B3GNT4: variants seen among roughly 807,000 people sequenced by gnomAD.
B3GNT4 encodes the protein UDP-GlcNAc:betaGal beta-1,3-N-acetylglucosaminyltransferase 4.
B3GNT4 carries 2 observed loss-of-function variants against 2.7 expected under a neutral mutation model. The ratio of observed to expected loss-of-function variants is 0.73; its 90% CI spans 0.30 to 2.31. B3GNT4 has a LOEUF of 2.31. Ranked by LOEUF, B3GNT4 falls within the 30% of genes most tolerant of loss-of-function variation. B3GNT4 has a pLI of 0.12. For synonymous variants in B3GNT4, 280 were observed against 203.4 expected, an observed-to-expected ratio of 1.38 and a Z score of -3.20; for missense variants, 708 against 490.9, an observed-to-expected ratio of 1.44 and a Z score of -4.18.
chr12:122,206,746 TC>T lies in B3GNT4; in HGVS notation c.500del (p.Pro167GlnfsTer27). 2 of 1,605,958 alleles carry T rather than the reference TC, an allele frequency of 1.2e-6. No individual in the cohort carries two copies. The highest frequency in any genetic ancestry group is 1.3e-5 in the African/African-American group (1 of 74,852). On this transcript the variant is annotated frameshift_variant, in exon 3 of 3. Transcript: ENST00000324189. LOFTEE classifies it low-confidence loss of function (END_TRUNC). ...TCCTCCTAGGGGTGGCAGGATCCGC[TC>T]CCCCAGCCCAGCTGCTGGCCTATGA... ...VFLLGVAGSA[P>X]PAQLLAYESR...
chr12:122,206,655 C>CGGCTATCCGCAGCACGTGG lies in B3GNT4; in HGVS notation c.408_426dup (p.Arg143TyrfsTer13). The CGGCTATCCGCAGCACGTGG allele has an allele frequency of 6.2e-7, 1 of 1,613,636 alleles. No homozygotes were observed. Among genetic ancestry groups the CGGCTATCCGCAGCACGTGG allele is most frequent in the South Asian group, 1.1e-5 (1 of 91,084 alleles). On this transcript the variant is annotated frameshift_variant, in exon 3 of 3. Coordinates refer to ENST00000324189, the MANE Select transcript of B3GNT4 (RefSeq NM_030765.4). LOFTEE classifies it low-confidence loss of function (END_TRUNC). The stretch of plus-strand genomic sequence containing the variant: ...CAGCCTGGTCACGTGGAGCGACGTG[C>CGGCTATCCGCAGCACGTGG]GGCTATCCGCAGCACGTGGGGCAGG...
chr12:122,206,221 C>T (rs1953912439), intron 2 of B3GNT4, 97 bp from the exon 3 acceptor site: 2 of 981,588 alleles, frequency 2.0e-6, no homozygotes, highest in Non-Finnish European at 3.0e-6. Flanking sequence ...CAGAGGCCAG[C>T]AGGGACTTAG....
chr12:122,206,123 A>G, intron 2 of B3GNT4, 195 bp from the exon 3 acceptor site: 1 of 515,324 alleles, frequency 1.9e-6, no homozygotes, highest in Non-Finnish European at 3.4e-6. Flanking sequence ...GAGGAGGGCA[A>G]GGGCTGGCAA....
Position 122,204,581 on chromosome 12 carries a change from G to A in B3GNT4, c.-38G>A, listed in dbSNP as rs367733493. The A allele has an allele frequency of 2.0e-4, 310 of 1,534,462 alleles. No homozygotes were observed. The highest frequency in any genetic ancestry group is 2.6e-4 in the Non-Finnish European group (291 of 1,111,794). ...TTCGACCCCGCCGCCGCCGCCGCCCGGCATCCTGAGCACGGAGACAGTCTC... is the reference window on the plus strand; with the variant it reads ...TTCGACCCCGCCGCCGCCGCCGCCCAGCATCCTGAGCACGGAGACAGTCTC... On this transcript the variant is annotated 5_prime_UTR_variant, in exon 2 of 3. Transcript: ENST00000324189.
chr12:122,206,294 G>A (rs889800914), intron 2 of B3GNT4, 24 bp from the exon 3 acceptor site: 2 of 1,526,154 alleles, frequency 1.3e-6, no homozygotes, highest in African/African-American at 1.4e-5. Context: ...GCTGGGCCCT[G>A]CTCAGGTGGC....
Position 122,206,780 on chromosome 12 carries a change from G to C in B3GNT4, c.529G>C (p.Glu177Gln). 1.2e-6 allele frequency: 2 copies of C among 1,608,264 alleles called. No homozygotes were observed. Among genetic ancestry groups the C allele is most frequent in the East Asian group, 2.2e-5 (1 of 44,806 alleles). ...CCAGCTGCTGGCCTATGAGAGTAGGGAGTTTGATGACATCCTCCAGTGGGA... is the reference window on the plus strand; with the variant it reads ...CCAGCTGCTGGCCTATGAGAGTAGGCAGTTTGATGACATCCTCCAGTGGGA... ...PAQLLAYESR[E>Q]FDDILQWDFT... is the part of the protein sequence containing the mutation. The change falls in exon 3 of 3, where the codon GAG becomes CAG. Residue 177 changes from glutamate to glutamine, a missense_variant. Transcript: ENST00000324189.
rs1244584341 is a variant in B3GNT4 at position 122,208,620 on chromosome 12, C to T, written c.*1232C>T. ...AATCGGGTTGAGCAGCCGTGCAGGG[C>T]GCGGAAGGCTCATGTGGACGTTGGC... On this transcript the variant is annotated 3_prime_UTR_variant, in exon 3 of 3. Transcript: ENST00000324189. 18 of 1,594,798 alleles carry T rather than the reference C, an allele frequency of 1.1e-5. No individual in the cohort carries two copies. Among genetic ancestry groups the T allele is most frequent in the African/African-American group, 4.0e-5 (3 of 74,712 alleles).
In B3GNT4 at chr12:122,208,530, T is replaced by A. The variant is rs1465537999; in HGVS notation, c.*1142T>A. 6.2e-7 allele frequency: 1 copy of A among 1,614,016 alleles called. No individual in the cohort carries two copies. The highest frequency in any genetic ancestry group is 8.5e-7 in the Non-Finnish European group (1 of 1,180,038). ...TGGTGCACCTCTTCCACCTGCAGTT[T>A]CACCAGCTGAATGTGATTCCTGGCG... On this transcript the variant is annotated 3_prime_UTR_variant, in exon 3 of 3. Transcript: ENST00000324189.
Position 122,207,915 on chromosome 12 carries a change from AATAC to A in B3GNT4, c.*533_*536del, listed in dbSNP as rs1050050272. 33 of 460,738 alleles carry A rather than the reference AATAC, an allele frequency of 7.2e-5. No individual in the cohort carries two copies. The highest frequency in any genetic ancestry group is 6.3e-4 in the Admixed American group (27 of 42,714). The allele number at this position is 460,738 out of a possible 1,614,324, so 28.5% of individuals were successfully genotyped here. A position where few individuals can be genotyped will look rare whatever the true frequency, so the allele number is the denominator to read the frequency against. On this transcript the variant is annotated 3_prime_UTR_variant, in exon 3 of 3. Coordinates refer to ENST00000324189, the MANE Select transcript of B3GNT4 (RefSeq NM_030765.4). The stretch of plus-strand genomic sequence containing the variant: ...GGGGCAGATCAGAGAACACATCAGA[AATAC>A]ATACAAAGAAATCGTACAAACTGGA...
chr12:122,203,715 G>A lies in B3GNT4; in HGVS notation c.-184G>A, dbSNP rs1191485245. 2 of 240,864 alleles carry A rather than the reference G, an allele frequency of 8.3e-6. No individual in the cohort carries two copies. Among genetic ancestry groups the A allele is most frequent in the South Asian group, 3.0e-4 (2 of 6,752 alleles). The allele number at this position is 240,864 out of a possible 1,614,324, so 14.9% of individuals were successfully genotyped here. ...TCCTCCAGAAGCCCCGCCCACTCCCGAGCCCCGAGAGCTCCGCGCACCTGG... is the reference window on the plus strand; with the variant it reads ...TCCTCCAGAAGCCCCGCCCACTCCCAAGCCCCGAGAGCTCCGCGCACCTGG... On this transcript the variant is annotated 5_prime_UTR_variant, in exon 1 of 3. Coordinates refer to ENST00000324189, the MANE Select transcript of B3GNT4 (RefSeq NM_030765.4).
At position 122,208,708 on chromosome 12, in the gene B3GNT4, T is replaced by C. The variant is rs1566020199; in HGVS notation, c.*1320T>C. Reference sequence around the variant, plus strand: ...GGTCACTTTCCTTGACCTCCCTGTCTTCTCTCTCTGCAAAGAAACTTCCAC... The same window carrying C: ...GGTCACTTTCCTTGACCTCCCTGTCCTCTCTCTCTGCAAAGAAACTTCCAC... On this transcript the variant is annotated 3_prime_UTR_variant, in exon 3 of 3. Transcript: ENST00000324189. The C allele has an allele frequency of 1.2e-6, 1 of 866,838 alleles. No homozygotes were observed. Among genetic ancestry groups the C allele is most frequent in the Non-Finnish European group, 1.9e-6 (1 of 535,274 alleles). The allele number at this position is 866,838 out of a possible 1,614,324, so 53.7% of individuals were successfully genotyped here. A position where few individuals can be genotyped will look rare whatever the true frequency, so the allele number is the denominator to read the frequency against.
Position 122,208,002 on chromosome 12 carries a change from C to G in B3GNT4, c.*614C>G. 2.1e-6 allele frequency: 1 copy of G among 482,562 alleles called. No individual in the cohort carries two copies. Among genetic ancestry groups the G allele is most frequent in the South Asian group, 1.5e-5 (1 of 64,704 alleles). 29.9% of individuals were successfully genotyped at this position (482,562 alleles called of 1,614,324 possible). A position where few individuals can be genotyped will look rare whatever the true frequency, so the allele number is the denominator to read the frequency against. On this transcript the variant is annotated 3_prime_UTR_variant, in exon 3 of 3. Coordinates refer to ENST00000324189, the MANE Select transcript of B3GNT4 (RefSeq NM_030765.4). ...CCAACAGAGGGAACAAGTACTAAAT[C>G]ATTTTTGACGACGTAAATAAGACTG...
chr12:122,206,186 G>C, intron 2 of B3GNT4, 132 bp from the exon 3 acceptor site: 1 of 698,284 alleles, frequency 1.4e-6, no homozygotes, highest in Non-Finnish European at 2.3e-6. Flanking sequence ...GAAAGAGCCT[G>C]AGGATACGCT....
In B3GNT4 at chr12:122,204,353, G is replaced by T. The variant is rs528087224; in HGVS notation, c.-97-169G>T. Among the ~76,000 whole-genome samples, 4 of 151,870 alleles carry T rather than the reference G, an allele frequency of 2.6e-5. No homozygotes were observed. In the East Asian group the frequency reaches 7.8e-4, roughly 29 times the overall value. ...CTGGGGTCTCCGCGGCTCGGAGGGC[G>T]GCGGGGCGAGGCCGTGCGGCCAGCG... On this transcript the variant is annotated intron_variant, in intron 1 of 2. Coordinates refer to ENST00000324189, the MANE Select transcript of B3GNT4 (RefSeq NM_030765.4).
rs1462782387 is a variant in B3GNT4 at position 122,206,690 on chromosome 12, T to C, written c.439T>C (p.Trp147Arg). 1 of 1,612,380 alleles carries C rather than the reference T, an allele frequency of 6.2e-7. No individual in the cohort carries two copies. Among genetic ancestry groups the C allele is most frequent in the Non-Finnish European group, 8.5e-7 (1 of 1,179,390 alleles). ...IRSTWGRVGG[W>R]ARGRQLKLVF... Reference sequence around the variant, plus strand: ...CAGCACGTGGGGCAGGGTGGGGGGATGGGCTAGGGGCCGGCAGCTGAAGCT... The same window carrying C: ...CAGCACGTGGGGCAGGGTGGGGGGACGGGCTAGGGGCCGGCAGCTGAAGCT... Residue 147 changes from tryptophan (W) to arginine (R), a missense_variant, in exon 3 of 3, where the codon TGG (tryptophan) becomes CGG (arginine). Trp to Arg is a moderately radical substitution (Grantham distance 101). Coordinates refer to ENST00000324189, the MANE Select transcript of B3GNT4 (RefSeq NM_030765.4).
rs200601197 is a variant in B3GNT4 at position 122,206,751 on chromosome 12, C to A, written c.500C>A (p.Pro167Gln). 3 of 1,605,996 alleles carry A rather than the reference C, an allele frequency of 1.9e-6. No homozygotes were observed. In the Admixed American group the frequency reaches 5.0e-5, roughly 27 times the overall value. The change falls in exon 3 of 3, where the codon CCA becomes CAA. Residue 167 changes from proline (P) to glutamine (Q), a missense_variant. Pro to Gln is a moderately conservative substitution (Grantham distance 76). Coordinates refer to ENST00000324189, the MANE Select transcript of B3GNT4 (RefSeq NM_030765.4). ...CTAGGGGTGGCAGGATCCGCTCCCCCAGCCCAGCTGCTGGCCTATGAGAGT... is the reference window on the plus strand; with the variant it reads ...CTAGGGGTGGCAGGATCCGCTCCCCAAGCCCAGCTGCTGGCCTATGAGAGT... ...FLLGVAGSAP[P>Q]AQLLAYESRE...
At chr12:122,204,753 C>A in intron 2 of B3GNT4, 69 bp downstream of exon 2, 1 of 1,379,778 alleles carries the variant, frequency 7.2e-7, no homozygotes, top group Non-Finnish European at 1.0e-6. Context: ...CCAGGGGGCT[C>A]AGAAAACTCT....
chr12:122,205,622 G>A (rs1407624846), intron 2 of B3GNT4: 1 of 152,414 alleles, frequency 6.6e-6, no homozygotes, highest in African/African-American at 2.4e-5. Context: ...CAGGTCCCTG[G>A]GAGAAATCAG....
In B3GNT4 at chr12:122,208,141, T is replaced by G; in HGVS notation, c.*753T>G. 1.5e-6 allele frequency: 1 copy of G among 688,116 alleles called. No homozygotes were observed. The highest frequency in any genetic ancestry group is 2.6e-6 in the Non-Finnish European group (1 of 378,496). The allele number at this position is 688,116 out of a possible 1,614,324, so 42.6% of individuals were successfully genotyped here. A position where few individuals can be genotyped will look rare whatever the true frequency, so the allele number is the denominator to read the frequency against. ...GGTAAAAAAAATGGGTAAGAGCAGC[T>G]GTACAGAGTGGGGTGAAATGTTAAA... On this transcript the variant is annotated 3_prime_UTR_variant, in exon 3 of 3. Coordinates refer to ENST00000324189, the MANE Select transcript of B3GNT4 (RefSeq NM_030765.4).
Sources: gnomAD v4.1 joint callset for allele counts (sites outside exome capture counted in the v4.1 genomes callset) on GRCh38, gnomAD v4.1.1 for gene constraint, MANE v1.5 for transcripts, NCBI Gene and HGNC (gene_info 2026-07-23, HGNC 2026-07-21) for gene names.